KLF8: variants seen among roughly 807,000 people sequenced by gnomAD.
KLF8 encodes the protein KLF transcription factor 8, also known as Krueppel-like factor 8.
A neutral mutation model predicts 18.2 loss-of-function variants in KLF8; 10 were observed. The ratio of observed to expected loss-of-function variants is 0.55; its 90% CI spans 0.34 to 0.93. The LOEUF (loss-of-function observed/expected upper bound fraction) is 0.93, where lower values mean the gene tolerates loss of function less well. Ranked by LOEUF, KLF8 falls within the 40% of genes least tolerant of loss-of-function variation. The probability of loss-of-function intolerance (pLI) is 0.02; values close to 1 mark genes in which losing one functional copy is unlikely to be tolerated. For synonymous variants in KLF8, 109 were observed against 97.3 expected (o/e 1.12, Z -0.71); for missense variants, 264 against 277.9 (o/e 0.95, Z 0.36).
At chrX:55,949,870 T>A in the KLF8 span, among the ~76,000 whole-genome samples, 61 of 111,056 alleles carry the variant, frequency 5.5e-4, no homozygotes, top group Middle Eastern at 4.7e-3. Flanking sequence ...GGACAAATGC[T>A]CTGGGACCCA....
chrX:56,153,994 G>A, the KLF8 span, among the ~76,000 whole-genome samples: 3 of 111,261 alleles, frequency 2.7e-5, no homozygotes, highest in Non-Finnish European at 1.9e-5. Context: ...TCGTGAAAAT[G>A]GCCATACTGC....
the KLF8 span, among the ~76,000 whole-genome samples, chrX:55,998,718 G>A: frequency 2.1e-3 from 229 of 110,286 alleles, 1 homozygote; most frequent in African/African-American, 7.4e-3. Context: ...GATCTCTCTT[G>A]CTTTTCCCCA....
the KLF8 span, among the ~76,000 whole-genome samples, chrX:56,074,125 G>A: frequency 9.0e-6 from 1 of 111,525 alleles, no homozygotes; most frequent in Non-Finnish European, 1.9e-5. Context: ...CAAGATTTTG[G>A]CCTATTATTG....
the KLF8 span, among the ~76,000 whole-genome samples, chrX:56,165,478 A>G: frequency 1.8e-5 from 2 of 112,556 alleles, no homozygotes; most frequent in East Asian, 2.8e-4. Flanking sequence ...TTTCCTATGC[A>G]TGATTTCGTA....
chrX:56,070,767 C>T, the KLF8 span, among the ~76,000 whole-genome samples: 2 of 112,405 alleles, frequency 1.8e-5, no homozygotes, highest in African/African-American at 6.5e-5. Flanking sequence ...GCACATGTAT[C>T]TTGGAACTAT....
rs764476766 is a variant in KLF8, at chrX:56,286,907, A to G, written c.*2413A>G. ...GACAGGTTGGTAAAGATGAACTAAC[A>G]TAAGTTTAAGCTAATAATTCAGTAG... On this transcript the variant is annotated 3_prime_UTR_variant, in exon 6 of 6. Transcript: ENST00000468660. The G allele has an allele frequency of 8.9e-6, 1 of 112,072 alleles. No homozygotes were observed. Among genetic ancestry groups the G allele is most frequent in the Non-Finnish European group, 1.9e-5 (1 of 53,205 alleles). 9.2% of individuals were successfully genotyped at this position (112,072 alleles called of 1,213,427 possible).
At chrX:55,960,251 TCA>T in the KLF8 span, among the ~76,000 whole-genome samples, 1 of 112,345 alleles carries the variant, frequency 8.9e-6, no homozygotes, top group African/African-American at 3.2e-5. Context: ...GTGCAGTGGC[TCA>T]CGCCTGTAAT....
the KLF8 span, among the ~76,000 whole-genome samples, chrX:55,937,296 A>T: frequency 1.8e-5 from 2 of 111,996 alleles, no homozygotes; most frequent in East Asian, 5.6e-4. Context: ...ATCTCCAACA[A>T]ACCTGCAGCT....
In KLF8 at chrX:56,284,418, G is replaced by C; in HGVS notation, c.1004G>C (p.Arg335Pro). 2 of 1,208,886 alleles carry C rather than the reference G, an allele frequency of 1.7e-6. No homozygotes were observed. ...FRKHTGIKPF[R>P]CTDCNRSFSR... ...AAGCACACAGGCATCAAGCCTTTTC[G>C]GTGCACAGACTGCAACCGCAGCTTT... The change falls in exon 6 of 6, where the codon CGG becomes CCG. Residue 335 changes from arginine (R) to proline (P), a missense_variant. Around this residue, in one of 2 missense-constraint regions of KLF8, gnomAD observed 43 missense variants for 84.3 expected, o/e 0.51. Transcript: ENST00000468660.
chrX:56,086,326 A>G, the KLF8 span, among the ~76,000 whole-genome samples: 5 of 110,925 alleles, frequency 4.5e-5, no homozygotes, highest in African/African-American at 1.6e-4. Context: ...TAGTGACTCC[A>G]CCTCCCAGTG....
chrX:56,276,165 A>G (rs2067119622), intron 5 of KLF8, among the ~76,000 whole-genome samples: 1 of 91,019 alleles, frequency 1.1e-5, no homozygotes, highest in African/African-American at 4.2e-5. Context: ...CCCCGAAACC[A>G]AGTCTCACTC....
At chrX:56,259,428 A>G (rs1381676612) in intron 2 of KLF8, among the ~76,000 whole-genome samples, 2 of 109,991 alleles carry the variant, frequency 1.8e-5, no homozygotes, top group South Asian at 3.9e-4. Flanking sequence ...CTCAGGGTTC[A>G]TACATTTCTG....
At chrX:56,006,350 G>A in the KLF8 span, among the ~76,000 whole-genome samples, 1 of 112,015 alleles carries the variant, frequency 8.9e-6, no homozygotes, top group African/African-American at 3.2e-5. Flanking sequence ...CTGCAATCCA[G>A]GAACAAGTCC....
chrX:56,051,043 G>T, the KLF8 span, among the ~76,000 whole-genome samples: 4 of 109,608 alleles, frequency 3.6e-5, no homozygotes, highest in South Asian at 4.0e-4. Context: ...TGTCTCTTTT[G>T]ATCTTTGTTG....
chrX:56,069,721 G>C, the KLF8 span, among the ~76,000 whole-genome samples: 14 of 111,880 alleles, frequency 1.3e-4, no homozygotes, highest in Non-Finnish European at 2.6e-4. Flanking sequence ...ACATCCCCTA[G>C]AGCTTCCAGC....
At chrX:56,050,626 T>G in the KLF8 span, among the ~76,000 whole-genome samples, 1 of 112,529 alleles carries the variant, frequency 8.9e-6, no homozygotes, top group Non-Finnish European at 1.9e-5. Flanking sequence ...CACTGTTGTC[T>G]AAGAGGTAGT....
the KLF8 span, among the ~76,000 whole-genome samples, chrX:56,040,019 C>T: frequency 9.0e-6 from 1 of 110,641 alleles, no homozygotes; most frequent in African/African-American, 3.3e-5. Flanking sequence ...TGATTTGGCT[C>T]TCTGCTTGCC....
At chrX:56,221,883 C>T in the KLF8 span, among the ~76,000 whole-genome samples, 4 of 111,763 alleles carry the variant, frequency 3.6e-5, no homozygotes, top group Non-Finnish European at 5.6e-5. Flanking sequence ...CCTTTATTCT[C>T]TTATCTGGCC....
the KLF8 span, among the ~76,000 whole-genome samples, chrX:56,096,460 C>A: frequency 9.0e-6 from 1 of 111,124 alleles, no homozygotes; most frequent in South Asian, 3.8e-4. Context: ...AAAATGGTAT[C>A]TCAAGAGAAA....
Sources: allele counts gnomAD v4.1 joint callset (sites outside exome capture counted in the v4.1 genomes callset), GRCh38; gene constraint gnomAD v4.1.1; regional missense constraint gnomAD v4.1.1; transcripts MANE v1.5; gene names NCBI Gene and HGNC (gene_info 2026-07-23, HGNC 2026-07-21).